Variants in ABLIM1 observed in about 807,000 individuals in gnomAD.
The protein encoded by ABLIM1 is actin-binding LIM protein 1.
In ABLIM1, 40 loss-of-function variants were observed where a neutral mutation model predicts 107.0. That is an observed-to-expected ratio of 0.37 (90% CI 0.29 to 0.49). ABLIM1 has a LOEUF of 0.49. ABLIM1 is among the 20% of genes least tolerant of loss of function. The pLI is 0.97. For synonymous variants in ABLIM1, 357 were observed against 357.3 expected, an observed-to-expected ratio of 1.00 and a Z score of 0.01; for missense variants, 857 against 1,008.5, an observed-to-expected ratio of 0.85 and a Z score of 2.04.
intron 1 of ABLIM1, among the ~76,000 whole-genome samples, chr10:114,758,994 CCT>C (rs1345972021): frequency 2.0e-5 from 3 of 152,122 alleles, no homozygotes; most frequent in African/African-American, 7.2e-5. Flanking sequence ...TTCAGCTCTT[CCT>C]CCTACAAGCA....
chr10:114,535,533 A>T (rs1307133154), intron 6 of ABLIM1, among the ~76,000 whole-genome samples: 4 of 151,420 alleles, frequency 2.6e-5, no homozygotes, highest in African/African-American at 9.7e-5. Flanking sequence ...CTTGTCTTGA[A>T]CTCCTGACCT....
the ABLIM1 span, among the ~76,000 whole-genome samples, chr10:114,781,568 G>GTA: frequency 6.7e-6 from 1 of 149,346 alleles, no homozygotes; most frequent in African/African-American, 2.5e-5. Flanking sequence ...GTGTGTGTGT[G>GTA]TATGTATATG....
At chr10:114,502,872 A>C (rs1565657646) in intron 6 of ABLIM1, among the ~76,000 whole-genome samples, 1 of 152,196 alleles carries the variant, frequency 6.6e-6, no homozygotes. Context: ...CCCAAATTAA[A>C]AAAGAAAAGA....
intron 6 of ABLIM1, among the ~76,000 whole-genome samples, chr10:114,525,119 A>G (rs758678639): frequency 6.6e-6 from 1 of 152,240 alleles, no homozygotes; most frequent in Non-Finnish European, 1.5e-5. Flanking sequence ...AGGGAGTGCT[A>G]CTGTCGCCTG....
intron 8 of ABLIM1, among the ~76,000 whole-genome samples, chr10:114,482,173 C>T (rs1378155610): frequency 6.6e-6 from 1 of 152,172 alleles, no homozygotes; most frequent in Non-Finnish European, 1.5e-5. Flanking sequence ...ATGCTCAGTA[C>T]TGAGTTTTAC....
chr10:114,702,166 A>C (rs971001674), intron 1 of ABLIM1, among the ~76,000 whole-genome samples: 2 of 152,244 alleles, frequency 1.3e-5, no homozygotes, highest in African/African-American at 4.8e-5. Flanking sequence ...CTTTATGAAT[A>C]GTAAGCTAAA....
At chr10:114,564,443 T>TTC (rs1365215958) in intron 4 of ABLIM1, among the ~76,000 whole-genome samples, 1 of 151,418 alleles carries the variant, frequency 6.6e-6, no homozygotes, top group Non-Finnish European at 1.5e-5. Context: ...GTTTGTATTT[T>TTC]TTTTTTTTTA....
chr10:114,560,247 T>G (rs1444648014), intron 4 of ABLIM1, among the ~76,000 whole-genome samples: 1 of 152,226 alleles, frequency 6.6e-6, no homozygotes, highest in Admixed American at 6.5e-5. Flanking sequence ...ATGACCTAAA[T>G]GCCCATTAAC....
chr10:114,499,817 T>C (rs1565636616), intron 6 of ABLIM1, among the ~76,000 whole-genome samples: 1 of 152,224 alleles, frequency 6.6e-6, no homozygotes, highest in African/African-American at 2.4e-5. Flanking sequence ...TTCCCTGTTA[T>C]GCTCCTGCAG....
At chr10:114,581,659 G>A (rs935573616) in intron 2 of ABLIM1, among the ~76,000 whole-genome samples, 8 of 152,158 alleles carry the variant, frequency 5.3e-5, no homozygotes, top group Non-Finnish European at 1.2e-4. Context: ...TGGGGTGCCA[G>A]TAGCCTTGGG....
At chr10:114,439,739 T>C (rs1033642342) in intron 20 of ABLIM1, 1 of 373,270 alleles carries the variant, frequency 2.7e-6, no homozygotes, top group Non-Finnish European at 4.8e-6. Context: ...AGGAAAAGGG[T>C]GGCCTAAAGT....
At position 114,602,037 on chromosome 10, in the gene ABLIM1, A is replaced by G. The variant is rs1168879175; in HGVS notation, c.245-76T>C. Reference sequence around the variant, plus strand: ...AAGGGGTCATCATGGTATCTCTGTAATTTTGGTGTCAAATGAGCCACAGAG... The same window carrying G: ...AAGGGGTCATCATGGTATCTCTGTAGTTTTGGTGTCAAATGAGCCACAGAG... On this transcript the variant is annotated intron_variant, in intron 1 of 22. Transcript: ENST00000533213. 5.1e-6 allele frequency: 8 copies of G among 1,582,636 alleles called. 1 individual carries two copies. The East Asian group carries it at 1.8e-4, about 36-fold the overall frequency.
At chr10:114,677,294 C>T (rs148966590) in intron 1 of ABLIM1, among the ~76,000 whole-genome samples, 23 of 152,328 alleles carry the variant, frequency 1.5e-4, no homozygotes, top group Non-Finnish European at 2.6e-4. Flanking sequence ...CCCCCTCACG[C>T]CCCTTCTTCT....
At chr10:114,769,172 GAAAAAAAAAAAAAAAA>G (rs35691537), upstream of ABLIM1, among the ~76,000 whole-genome samples, 5 of 46,520 alleles carry the variant, frequency 1.1e-4, no homozygotes, top group Non-Finnish European at 1.4e-4. Flanking sequence ...TGTCTTCAAT[GAAAAAAAAAAAAAAAA>G]AAAAAAAAGC....
chr10:114,720,640 C>A (rs535887343), intron 1 of ABLIM1, among the ~76,000 whole-genome samples: 1 of 152,184 alleles, frequency 6.6e-6, no homozygotes, highest in African/African-American at 2.4e-5. Context: ...TTCCAGTATC[C>A]TTTGAATCAT....
At chr10:114,608,945 A>G (rs1057460380) in intron 1 of ABLIM1, among the ~76,000 whole-genome samples, 1 of 148,336 alleles carries the variant, frequency 6.7e-6, no homozygotes, top group Non-Finnish European at 1.5e-5. Context: ...AACACAGGAG[A>G]TGGAGGGTGC....
At chr10:114,601,125 C>CCCAATCTT (rs1336645325) in intron 2 of ABLIM1, among the ~76,000 whole-genome samples, 4 of 151,148 alleles carry the variant, frequency 2.6e-5, no homozygotes, top group Non-Finnish European at 5.9e-5. Context: ...TGACTTGGCA[C>CCCAATCTT]CCAATCTTCC....
At chr10:114,556,384 G>T (rs2068728054) in intron 4 of ABLIM1, among the ~76,000 whole-genome samples, 1 of 152,166 alleles carries the variant, frequency 6.6e-6, no homozygotes, top group Non-Finnish European at 1.5e-5. Flanking sequence ...AGAGACACGT[G>T]GTGACTGCTC....
intron 1 of ABLIM1, among the ~76,000 whole-genome samples, chr10:114,671,489 G>T (rs2080251588): frequency 6.6e-6 from 1 of 152,194 alleles, no homozygotes; most frequent in Non-Finnish European, 1.5e-5. Flanking sequence ...TATCATACAG[G>T]TGTATATAGA....
Sources: allele counts gnomAD v4.1 joint callset (sites outside exome capture counted in the v4.1 genomes callset), GRCh38; gene constraint gnomAD v4.1.1; transcripts MANE v1.5; gene names NCBI Gene and HGNC (gene_info 2026-07-23, HGNC 2026-07-21).